Variants in RIMKLB observed in about 807,000 individuals in gnomAD.
RIMKLB encodes ribosomal modification protein rimK like family member B.
Under a neutral mutation model 32.0 loss-of-function variants are expected in RIMKLB, and 7 were observed. That is an observed-to-expected ratio of 0.22 (90% CI 0.12 to 0.41). The LOEUF is 0.41. RIMKLB is among the 10% of genes least tolerant of loss of function. The pLI is 1.00. For missense variants in RIMKLB, 289 were observed against 498.7 expected, an observed-to-expected ratio of 0.58 and a Z score of 4.00; for synonymous variants, 172 against 185.1, an observed-to-expected ratio of 0.93 and a Z score of 0.57.
chr12:8,702,419 T>C (rs957190476), intron 1 of RIMKLB, among the ~76,000 whole-genome samples: 2 of 152,256 alleles, frequency 1.3e-5, no homozygotes, highest in African/African-American at 4.8e-5. Context: ...AGTGTCTATA[T>C]CAAGTTGTGA....
intron 2 of RIMKLB, among the ~76,000 whole-genome samples, chr12:8,718,515 C>T (rs150805240): frequency 3.3e-5 from 5 of 152,178 alleles, no homozygotes; most frequent in East Asian, 3.9e-4. Context: ...TGGTGGCATG[C>T]GCCTGTAGTC....
chr12:8,697,275 TGCCTCTCAATA>T (rs751371824), upstream of RIMKLB: 5 of 152,320 alleles, frequency 3.3e-5, no homozygotes. Flanking sequence ...GTTTTAAATT[TGCCTCTCAATA>T]TACAGAGGTA....
At chr12:8,745,453 G>A (rs1947992161) in intron 2 of RIMKLB, among the ~76,000 whole-genome samples, 1 of 151,618 alleles carries the variant, frequency 6.6e-6, no homozygotes, top group East Asian at 1.9e-4. Context: ...GGAATGCAAT[G>A]GCAGGATCTT....
intron 2 of RIMKLB, among the ~76,000 whole-genome samples, chr12:8,746,903 G>A (rs752882239): frequency 1.3e-5 from 2 of 152,168 alleles, no homozygotes; most frequent in Admixed American, 6.5e-5. Context: ...ACCACACCTG[G>A]CTAATTTTTT....
intron 2 of RIMKLB, among the ~76,000 whole-genome samples, chr12:8,745,973 G>A (rs1159199981): frequency 6.6e-6 from 1 of 151,790 alleles, no homozygotes; most frequent in Non-Finnish European, 1.5e-5. Flanking sequence ...GGGATTACAG[G>A]CGTGAGCCAC....
At chr12:8,754,774 T>C (rs1417152006) in intron 5 of RIMKLB, among the ~76,000 whole-genome samples, 2 of 152,166 alleles carry the variant, frequency 1.3e-5, no homozygotes, top group South Asian at 2.1e-4. Flanking sequence ...TTTATTCTTA[T>C]ATATGTATAT....
chr12:8,711,607 G>A (rs201571711), intron 1 of RIMKLB, among the ~76,000 whole-genome samples: 1 of 151,994 alleles, frequency 6.6e-6, no homozygotes, highest in Non-Finnish European at 1.5e-5. Flanking sequence ...ACATGCTGGT[G>A]CGCTGCACCC....
chr12:8,713,830 G>C lies in RIMKLB; in HGVS notation c.-37G>C. ...ATCTAGGTAGACGTTACATCCAAGAGGAAATAATCCAGGCAAGGAAGCACA... is the reference window on the plus strand; with the variant it reads ...ATCTAGGTAGACGTTACATCCAAGACGAAATAATCCAGGCAAGGAAGCACA... On this transcript the variant is annotated 5_prime_UTR_variant, in exon 2 of 6. Coordinates refer to ENST00000535829, the MANE Select transcript of RIMKLB (RefSeq NM_001297776.2). 6.2e-7 allele frequency: 1 copy of C among 1,611,076 alleles called. No homozygotes were observed. The highest frequency in any genetic ancestry group is 1.3e-5 in the African/African-American group (1 of 74,924).
chr12:8,772,140 C>T (rs773620419), intron 5 of RIMKLB, among the ~76,000 whole-genome samples: 2 of 152,296 alleles, frequency 1.3e-5, no homozygotes, highest in African/African-American at 4.8e-5. Flanking sequence ...CCACCTCAGC[C>T]TCCCAAAGTG....
At chr12:8,710,307 CTTTTTTTTTTT>C (rs762963381) in intron 1 of RIMKLB, among the ~76,000 whole-genome samples, 6 of 125,586 alleles carry the variant, frequency 4.8e-5, no homozygotes, top group African/African-American at 1.9e-4. Context: ...TTGTTTCCTT[CTTTTTTTTTTT>C]TTTTTTTTTG....
chr12:8,770,507 T>C (rs964633767), intron 5 of RIMKLB, among the ~76,000 whole-genome samples: 1 of 152,212 alleles, frequency 6.6e-6, no homozygotes, highest in African/African-American at 2.4e-5. Context: ...CACCATGGTT[T>C]ACTCCTCATA....
At position 8,760,175 on chromosome 12, in the gene RIMKLB, A is replaced by G. The variant is rs1036401791; in HGVS notation, c.697+6082A>G. Among the ~76,000 whole-genome samples the G allele has an allele frequency of 5.3e-5, 8 of 151,434 alleles. No homozygotes were observed. In the East Asian group the frequency reaches 1.6e-3, roughly 29 times the overall value. On this transcript the variant is annotated intron_variant, in intron 5 of 5. Transcript: ENST00000535829. Reference sequence around the variant, plus strand: ...TGTTCTCATTGTTCAATTCCCACCTATGAGTAAGAACATGCGGTGTTTGGT... The same window carrying G: ...TGTTCTCATTGTTCAATTCCCACCTGTGAGTAAGAACATGCGGTGTTTGGT...
upstream of RIMKLB, among the ~76,000 whole-genome samples, chr12:8,678,487 C>T (rs747127900): frequency 8.6e-5 from 13 of 151,894 alleles, no homozygotes; most frequent in South Asian, 2.1e-4. Flanking sequence ...TGCACCACCA[C>T]GCTCTGCTAA....
At chr12:8,688,515 C>T (rs1942643199) in intron 1 of RIMKLB, among the ~76,000 whole-genome samples, 1 of 152,158 alleles carries the variant, frequency 6.6e-6, no homozygotes, top group African/African-American at 2.4e-5. Flanking sequence ...CACATTCTTT[C>T]AGATATAGGC....
intron 2 of RIMKLB, among the ~76,000 whole-genome samples, chr12:8,747,616 A>G (rs1226137250): frequency 6.6e-6 from 1 of 152,238 alleles, no homozygotes; most frequent in Non-Finnish European, 1.5e-5. Context: ...GACACATAGT[A>G]CTTAATATTT....
chr12:8,729,564 G>A (rs762059243), intron 2 of RIMKLB, among the ~76,000 whole-genome samples: 2 of 152,210 alleles, frequency 1.3e-5, no homozygotes, highest in Admixed American at 6.5e-5. Flanking sequence ...GGCCATGGGT[G>A]GTTTTGGAAA....
chr12:8,748,554 G>GCATATATA (rs1338198279), intron 2 of RIMKLB, among the ~76,000 whole-genome samples: 2 of 109,472 alleles, frequency 1.8e-5, no homozygotes, highest in African/African-American at 5.9e-5. Context: ...GTGTGTGTGT[G>GCATATATA]TGTGCATATA....
intron 1 of RIMKLB, among the ~76,000 whole-genome samples, chr12:8,703,831 A>C (rs1245131732): frequency 6.6e-6 from 1 of 152,246 alleles, no homozygotes; most frequent in Non-Finnish European, 1.5e-5. Flanking sequence ...TGTGAGGATT[A>C]AATGATAAAA....
At chr12:8,724,108 C>T (rs951892326) in intron 2 of RIMKLB, among the ~76,000 whole-genome samples, 1 of 152,134 alleles carries the variant, frequency 6.6e-6, no homozygotes, top group Admixed American at 6.5e-5. Context: ...GTGTGAGCCA[C>T]CACACCTGGC....
Sources: allele counts gnomAD v4.1 joint callset (sites outside exome capture counted in the v4.1 genomes callset), GRCh38; gene constraint gnomAD v4.1.1; transcripts MANE v1.5; gene names NCBI Gene and HGNC (gene_info 2026-07-23, HGNC 2026-07-21).